DMRTB1: variants seen among roughly 807,000 people sequenced by gnomAD.
The protein encoded by DMRTB1 is doublesex- and mab-3-related transcription factor B1.
Under a neutral mutation model 25.2 loss-of-function variants are expected in DMRTB1, and 9 were observed. That is an observed-to-expected ratio of 0.36 (90% CI 0.22 to 0.62). The LOEUF is 0.62. Among genes scored for constraint, DMRTB1 ranks in the 20% least tolerant of loss-of-function variants. The pLI, the probability that DMRTB1 is intolerant of heterozygous loss-of-function variation, is 0.71. For missense variants in DMRTB1, 551 were observed against 499.3 expected (o/e 1.10, Z -0.99); for synonymous variants, 269 against 238.1 (o/e 1.13, Z -1.20).
intron 2 of DMRTB1, among the ~76,000 whole-genome samples, chr1:53,464,349 A>T (rs1644038748): frequency 6.6e-6 from 1 of 152,146 alleles, no homozygotes; most frequent in Non-Finnish European, 1.5e-5. Context: ...ACCGCCTAGG[A>T]TTCTGAGCAC....
chr1:53,459,779 C>G lies in DMRTB1; in HGVS notation c.326C>G (p.Pro109Arg). The G allele has an allele frequency of 7.2e-7, 1 of 1,386,616 alleles. No individual in the cohort carries two copies. Among genetic ancestry groups the G allele is most frequent in the Non-Finnish European group, 9.3e-7 (1 of 1,073,220 alleles). 85.9% of individuals were successfully genotyped at this position (1,386,616 alleles called of 1,614,324 possible). A position where few individuals can be genotyped will look rare whatever the true frequency, so the allele number is the denominator to read the frequency against. Reference protein sequence around the residue: ...SPGTPSGDADPGPEGRAAACF... With the variant: ...SPGTPSGDADRGPEGRAAACF... ...GGGACTCCCTCCGGAGACGCCGACC[C>G]GGGACCCGAGGGCCGCGCGGCCGCT... The change falls in exon 1 of 4, where the codon CCG becomes CGG. Residue 109 changes from proline to arginine, a missense_variant. Transcript: ENST00000371445.
chr1:53,460,382 G>A, intron 1 of DMRTB1: 1 of 185,912 alleles, frequency 5.4e-6, no homozygotes, highest in Non-Finnish European at 1.1e-5. Flanking sequence ...ACCTCTTCCC[G>A]CCATTTCCTT....
Position 53,459,574 on chromosome 1 carries a change from T to G in DMRTB1, c.121T>G (p.Tyr41Asp). The G allele has an allele frequency of 6.2e-7, 1 of 1,608,234 alleles. No homozygotes were observed. The highest frequency in any genetic ancestry group is 8.5e-7 in the Non-Finnish European group (1 of 1,177,694). Residue 41 changes from tyrosine (Y) to aspartate (D), a missense_variant, in exon 1 of 4, where the codon TAC becomes GAC. By Grantham distance (160) the Tyr-to-Asp change is radical. Coordinates refer to ENST00000371445, the MANE Select transcript of DMRTB1 (RefSeq NM_033067.3). The part of the protein sequence containing the change: ...RWKQCLCEKC[Y>D]LISERQKIMA... The stretch of plus-strand genomic sequence containing the variant: ...GAAGCAGTGCCTCTGCGAGAAGTGC[T>G]ACCTGATCTCCGAGCGCCAGAAGAT...
At chr1:53,465,372 T>C (rs1159616846) in intron 3 of DMRTB1, among the ~76,000 whole-genome samples, 1 of 152,186 alleles carries the variant, frequency 6.6e-6, no homozygotes, top group Non-Finnish European at 1.5e-5. Context: ...GCTCTGCCAC[T>C]GGGGCACTGG....
intron 2 of DMRTB1, among the ~76,000 whole-genome samples, chr1:53,464,131 AG>A (rs1319051350): frequency 6.6e-6 from 1 of 150,442 alleles, no homozygotes; most frequent in East Asian, 1.9e-4. Flanking sequence ...TGTGCCAGAC[AG>A]GGGGTCCTGT....
chr1:53,460,286 C>G (rs1318339209), intron 1 of DMRTB1: 2 of 444,930 alleles, frequency 4.5e-6, no homozygotes, highest in African/African-American at 2.1e-5. Flanking sequence ...TTCCGGCATG[C>G]AAGAACAAAA....
chr1:53,466,256 T>G (rs12027442), intron 3 of DMRTB1, among the ~76,000 whole-genome samples: 9,246 of 151,962 alleles, frequency 0.061, 604 homozygotes, highest in East Asian at 0.32. Flanking sequence ...TTGGGGAGGG[T>G]GAGGTGGGTG....
At chr1:53,460,173 G>T in intron 1 of DMRTB1, 143 bp downstream of exon 1, 1 of 1,220,378 alleles carries the variant, frequency 8.2e-7, no homozygotes, top group Non-Finnish European at 1.1e-6. Flanking sequence ...ACCCTTCTTC[G>T]AACAGGGATT....
At chr1:53,462,168 A>C (rs1056937456) in intron 2 of DMRTB1, among the ~76,000 whole-genome samples, 2 of 152,212 alleles carry the variant, frequency 1.3e-5, no homozygotes, top group Non-Finnish European at 2.9e-5. Context: ...TGAAAGAATG[A>C]AATTTAATCC....
At chr1:53,461,388 G>T in intron 1 of DMRTB1, 85 bp from the exon 2 acceptor site, 1 of 1,406,536 alleles carries the variant, frequency 7.1e-7, no homozygotes, top group East Asian at 2.6e-5. Context: ...GGACGGCAGC[G>T]CTGATGACCC....
intron 3 of DMRTB1, 84 bp downstream of exon 3, chr1:53,464,931 G>C: frequency 6.4e-7 from 1 of 1,572,024 alleles, no homozygotes; most frequent in Non-Finnish European, 8.7e-7. Context: ...AGAAAGGTTA[G>C]GTGTGGAGAG....
At chr1:53,465,386 A>G (rs942275761) in intron 3 of DMRTB1, among the ~76,000 whole-genome samples, 3 of 152,172 alleles carry the variant, frequency 2.0e-5, no homozygotes, top group African/African-American at 7.2e-5. Flanking sequence ...GCACTGGATG[A>G]TCCTGGGCAC....
chr1:53,464,981 A>G, intron 3 of DMRTB1, 134 bp downstream of exon 3: 1 of 1,247,718 alleles, frequency 8.0e-7, no homozygotes, highest in Non-Finnish European at 1.1e-6. Flanking sequence ...CCCTAGAATG[A>G]GCTCCTTCTT....
At chr1:53,461,022 C>G (rs61768419) in intron 1 of DMRTB1, among the ~76,000 whole-genome samples, 1 of 152,190 alleles carries the variant, frequency 6.6e-6, no homozygotes, top group Non-Finnish European at 1.5e-5. Context: ...TGAGCCGAAC[C>G]ATGAGCCAGG....
rs1557923477 is a variant in DMRTB1 at position 53,464,684 on chromosome 1, G to GCCGCCGCCGCCACTGCCGCCC, written c.800_820dup (p.Pro267_Pro273dup). 6.2e-7 allele frequency: 1 copy of GCCGCCGCCGCCACTGCCGCCC among 1,612,396 alleles called. No individual in the cohort carries two copies. Among genetic ancestry groups the GCCGCCGCCGCCACTGCCGCCC allele is most frequent in the African/African-American group, 1.3e-5 (1 of 74,812 alleles). Reference sequence around the variant, plus strand: ...TCCAGCCAAGCTACTACCTGCCGCCGCCGCCGCCGCCACTGCCGCCCCTTC... The same window carrying GCCGCCGCCGCCACTGCCGCCC: ...TCCAGCCAAGCTACTACCTGCCGCCGCCGCCGCCGCCACTGCCGCCCCCGCCGCCGCCACTGCCGCCCCTTC... On this transcript the variant is annotated inframe_insertion, in exon 3 of 4. Transcript: ENST00000371445.
At chr1:53,466,481 A>G in intron 3 of DMRTB1, 114 bp from the exon 4 acceptor site, 2 of 1,044,590 alleles carry the variant, frequency 1.9e-6, no homozygotes, top group Non-Finnish European at 1.4e-6. Context: ...ACAGAGCGAG[A>G]CTCTGTCTCA....
In DMRTB1 at chr1:53,459,636, CGAG is replaced by C. The variant is rs757031376; in HGVS notation, c.190_192del (p.Glu64del). 1.3e-4 allele frequency: 203 copies of C among 1,560,792 alleles called. 1 individual carries two copies. The highest frequency in any genetic ancestry group is 4.0e-4 in the Middle Eastern group (2 of 5,020). On this transcript the variant is annotated inframe_deletion, in exon 1 of 4. Transcript: ENST00000371445. Reference sequence around the variant, plus strand: ...AGAAGGTGCTCAAGACGCAGGCCGCCGAGGAGGAGCAGGAGGCGGCCCTGTGTG... The same window carrying C: ...AGAAGGTGCTCAAGACGCAGGCCGCCGAGGAGCAGGAGGCGGCCCTGTGTG...
Position 53,466,940 on chromosome 1 carries a change from T to G in DMRTB1, c.*278T>G. On this transcript the variant is annotated 3_prime_UTR_variant, in exon 4 of 4. Transcript: ENST00000371445. ...GCTCCCATTTAGGAATGAATTTAAC[T>G]GTCCTTGGGTTACACTACCATTTAT... 2.2e-6 allele frequency: 1 copy of G among 456,834 alleles called. No individual in the cohort carries two copies. Among genetic ancestry groups the G allele is most frequent in the South Asian group, 3.9e-5 (1 of 25,524 alleles). The allele number at this position is 456,834 out of a possible 1,614,324, so 28.3% of individuals were successfully genotyped here. A position where few individuals can be genotyped will look rare whatever the true frequency, so the allele number is the denominator to read the frequency against.
rs1644041572 is a variant in DMRTB1 at position 53,464,721 on chromosome 1, C to T, written c.835C>T (p.Pro279Ser). ...ACTGCCGCCCCTTCCACCGCTTCCA[C>T]CGCAGCCCCAGTTCCTCCCGCCAGG... is the stretch of plus-strand genomic sequence containing the variant. ...PPLPPLPPLP[P>S]QPQFLPPGYL... Residue 279 changes from proline (P) to serine (S), a missense_variant, in exon 3 of 4, where the codon CCG (proline) becomes TCG (serine). Coordinates refer to ENST00000371445, the MANE Select transcript of DMRTB1 (RefSeq NM_033067.3). 3.7e-6 allele frequency: 6 copies of T among 1,613,454 alleles called. No individual in the cohort carries two copies. Among genetic ancestry groups the T allele is most frequent in the South Asian group, 1.1e-5 (1 of 91,056 alleles).
Sources: gnomAD v4.1 joint callset for allele counts (sites outside exome capture counted in the v4.1 genomes callset) on GRCh38, gnomAD v4.1.1 for gene constraint, MANE v1.5 for transcripts, NCBI Gene and HGNC (gene_info 2026-07-23, HGNC 2026-07-21) for gene names.